Variants in NASP observed in about 807,000 individuals in gnomAD.
NASP encodes NASP histone chaperone.
NASP carries 24 observed loss-of-function variants against 89.5 expected under a neutral mutation model. The ratio of observed to expected loss-of-function variants is 0.27; its 90% CI spans 0.19 to 0.38. NASP has a LOEUF of 0.38. NASP is among the 10% of genes least tolerant of loss of function. The probability of loss-of-function intolerance (pLI) is 1.00; values close to 1 mark genes in which losing one functional copy is unlikely to be tolerated. For missense variants in NASP, 848 were observed against 921.4 expected (o/e 0.92, Z 1.03); for synonymous variants, 306 against 324.7 (o/e 0.94, Z 0.62).
intron 1 of NASP, among the ~76,000 whole-genome samples, chr1:45,585,699 C>G (rs1644523713): frequency 6.6e-6 from 1 of 152,154 alleles, no homozygotes; most frequent in Non-Finnish European, 1.5e-5. Context: ...GTCTGGATCT[C>G]ACATCCAGAC....
chr1:45,613,013 A>G lies in NASP; in HGVS notation c.1427-156A>G, dbSNP rs565473090. The stretch of plus-strand genomic sequence containing the variant: ...CTAGGTTACACTTGAACTAGACTGC[A>G]CCCACTGACGATATATTCAGTTCAG... On this transcript the variant is annotated intron_variant, in intron 6 of 14. Transcript: ENST00000350030. The G allele has an allele frequency of 1.2e-5, 12 of 1,043,178 alleles. No individual in the cohort carries two copies. The East Asian group carries it at 3.6e-4, about 31-fold the overall frequency. 64.6% of individuals were successfully genotyped at this position (1,043,178 alleles called of 1,614,324 possible). A position where few individuals can be genotyped will look rare whatever the true frequency, so the allele number is the denominator to read the frequency against.
intron 2 of NASP, among the ~76,000 whole-genome samples, chr1:45,593,857 A>C (rs1353529976): frequency 1.5e-4 from 2 of 13,656 alleles, no homozygotes; most frequent in Admixed American, 6.4e-4. Context: ...CATCTGTACA[A>C]AAAAAAAAAA....
intron 4 of NASP, 63 bp from the exon 5 acceptor site, chr1:45,606,419 G>C: frequency 8.5e-7 from 1 of 1,171,960 alleles, no homozygotes; most frequent in Admixed American, 1.8e-5. Context: ...TGTATTTTCT[G>C]TCTTAGAAAA....
chr1:45,596,670 A>G (rs1643704119), intron 2 of NASP, among the ~76,000 whole-genome samples: 1 of 152,256 alleles, frequency 6.6e-6, no homozygotes, highest in Non-Finnish European at 1.5e-5. Context: ...GTGTTTTCAG[A>G]TTATACAGTA....
chr1:45,609,605 A>T (rs1248484515), intron 6 of NASP: 1 of 152,182 alleles, frequency 6.6e-6, no homozygotes, highest in Non-Finnish European at 1.5e-5. Flanking sequence ...GACCCCTAAG[A>T]CCTTGAATGG....
At position 45,600,114 on chromosome 1, in the gene NASP, G is replaced by C. The variant is rs1476471495; in HGVS notation, c.108-2141G>C. 2.0e-5 allele frequency among the ~76,000 whole-genome samples: 3 copies of C among 152,034 alleles called. No homozygotes were observed. In the East Asian group the frequency reaches 5.8e-4, roughly 29 times the overall value. Reference sequence around the variant, plus strand: ...TATTGTTGATTGAATTAAGAAGAGGGATTATCCTTCCAAATAATTTGGTTT... The same window carrying C: ...TATTGTTGATTGAATTAAGAAGAGGCATTATCCTTCCAAATAATTTGGTTT... On this transcript the variant is annotated intron_variant, in intron 2 of 14. Coordinates refer to ENST00000350030, the MANE Select transcript of NASP (RefSeq NM_002482.4).
At chr1:45,603,454 C>T (rs1273097449) in intron 3 of NASP, among the ~76,000 whole-genome samples, 1 of 152,118 alleles carries the variant, frequency 6.6e-6, no homozygotes, top group African/African-American at 2.4e-5. Flanking sequence ...TTCCTAAACC[C>T]CTACTGCCTC....
intron 6 of NASP, chr1:45,611,437 G>A (rs1390614528): frequency 6.7e-6 from 1 of 149,272 alleles, no homozygotes; most frequent in East Asian, 1.9e-4. Context: ...CTAGGTTAAG[G>A]AGAAAGCCAT....
chr1:45,615,312 A>C lies in NASP; in HGVS notation c.1863A>C (p.Leu621=), dbSNP rs201381154. The C allele has an allele frequency of 1.2e-6, 2 of 1,613,980 alleles. No individual in the cohort carries two copies. Among genetic ancestry groups the C allele is most frequent in the Non-Finnish European group, 1.7e-6 (2 of 1,179,984 alleles). ...IEVIENRMAV[L]NEQVKEAEGS... ...TCACTTTATTCTTTTTAGCTGTACT[A>C]AACGAGCAGGTGAAGGAGGCTGAAG... The change falls in exon 11 of 15, where the codon CTA becomes CTC. Residue 621 remains leucine (L), a synonymous_variant. Coordinates refer to ENST00000350030, the MANE Select transcript of NASP (RefSeq NM_002482.4).
At chr1:45,585,093 G>A (rs1644512019) in intron 1 of NASP, among the ~76,000 whole-genome samples, 1 of 152,182 alleles carries the variant, frequency 6.6e-6, no homozygotes, top group South Asian at 2.1e-4. Context: ...GGACTGGAGG[G>A]AAACAAGATA....
At chr1:45,591,952 C>T (rs769170439) in intron 2 of NASP, among the ~76,000 whole-genome samples, 3 of 152,172 alleles carry the variant, frequency 2.0e-5, no homozygotes, top group Non-Finnish European at 2.9e-5. Flanking sequence ...TCCTGAGTAG[C>T]TGGGACTGTA....
At chr1:45,589,632 G>A (rs1348009739) in intron 1 of NASP, among the ~76,000 whole-genome samples, 3 of 152,136 alleles carry the variant, frequency 2.0e-5, no homozygotes, top group African/African-American at 4.8e-5. Flanking sequence ...GGGCGCAGTG[G>A]CTCACACCTG....
At chr1:45,586,285 G>GTGTGTGTGTGT (rs1644543801) in intron 1 of NASP, among the ~76,000 whole-genome samples, 1 of 79,976 alleles carries the variant, frequency 1.3e-5, no homozygotes, top group Non-Finnish European at 2.4e-5. Context: ...TGTGTGTGTG[G>GTGTGTGTGTGT]TGTGTGTGTG....
chr1:45,602,830 C>T (rs1266354945), intron 3 of NASP, among the ~76,000 whole-genome samples: 1 of 152,154 alleles, frequency 6.6e-6, no homozygotes, highest in Admixed American at 6.6e-5. Flanking sequence ...CCCCACATTG[C>T]CCAGGCTGGT....
At chr1:45,604,019 C>G (rs1023558149) in intron 3 of NASP, among the ~76,000 whole-genome samples, 1 of 152,106 alleles carries the variant, frequency 6.6e-6, no homozygotes, top group African/African-American at 2.4e-5. Flanking sequence ...TCCCAGATTA[C>G]TGGAGAGGTC....
intron 2 of NASP, among the ~76,000 whole-genome samples, chr1:45,595,502 G>A (rs1274886489): frequency 3.3e-5 from 5 of 152,070 alleles, no homozygotes; most frequent in Non-Finnish European, 7.4e-5. Flanking sequence ...TTGAATGCCT[G>A]TTCATGCTCT....
At chr1:45,608,490 G>A (rs969991439) in intron 6 of NASP, 153 bp downstream of exon 6, 23 of 746,802 alleles carry the variant, frequency 3.1e-5, no homozygotes, top group Middle Eastern at 2.5e-4. Context: ...TAACAAGGTC[G>A]TGATAGTCAA....
At chr1:45,589,726 C>T (rs1643476214) in intron 1 of NASP, among the ~76,000 whole-genome samples, 1 of 151,964 alleles carries the variant, frequency 6.6e-6, no homozygotes, top group Non-Finnish European at 1.5e-5. Flanking sequence ...ATGGTGAAAC[C>T]CCATCTCTGG....
chr1:45,614,934 C>T (rs1354340586), intron 9 of NASP, 79 bp from the exon 10 acceptor site: 4 of 1,229,656 alleles, frequency 3.3e-6, no homozygotes, highest in Non-Finnish European at 4.6e-6. Context: ...GGTGCATTCC[C>T]ATAGGATGGG....
Sources: gnomAD v4.1 joint callset for allele counts (sites outside exome capture counted in the v4.1 genomes callset) on GRCh38, gnomAD v4.1.1 for gene constraint, MANE v1.5 for transcripts, NCBI Gene and HGNC (gene_info 2026-07-23, HGNC 2026-07-21) for gene names.